The following CNTNAP4 variants were observed in gnomAD, a reference collection of about 807,000 sequenced individuals.
CNTNAP4 encodes the protein contactin associated protein family member 4, also known as contactin-associated protein-like 4.
A neutral mutation model predicts 148.4 loss-of-function variants in CNTNAP4; 98 were observed. The ratio of observed to expected loss-of-function variants is 0.66; its 90% confidence interval spans 0.56 to 0.78. The LOEUF (loss-of-function observed/expected upper bound fraction) is 0.78. Among genes scored for constraint, CNTNAP4 ranks in the 30% least tolerant of loss-of-function variants. The pLI, the probability that CNTNAP4 is intolerant of heterozygous loss-of-function variation, is 0.00. For missense variants in CNTNAP4, 1,935 were observed against 1,565.6 expected, an observed-to-expected ratio of 1.24 and a Z score of -3.98; for synonymous variants, 730 against 565.1, an observed-to-expected ratio of 1.29 and a Z score of -4.14.
chr16:76,453,853 T>A (rs2080616923), intron 8 of CNTNAP4, among the ~76,000 whole-genome samples: 1 of 152,178 alleles, frequency 6.6e-6, no homozygotes, highest in Admixed American at 6.5e-5. Context: ...ATGCTGTGAC[T>A]TTTTATTTAG....
chr16:76,469,040 C>A (rs1220594467), intron 10 of CNTNAP4, among the ~76,000 whole-genome samples: 1 of 152,118 alleles, frequency 6.6e-6, no homozygotes, highest in African/African-American at 2.4e-5. Context: ...AACAAAAAGA[C>A]TCTTCTATTT....
At position 76,277,715 on chromosome 16, in the gene CNTNAP4, A is replaced by G; in HGVS notation, c.53A>G (p.Gln18Arg). 1 of 1,605,124 alleles carries G rather than the reference A, an allele frequency of 6.2e-7. No homozygotes were observed. The highest frequency in any genetic ancestry group is 8.5e-7 in the Non-Finnish European group (1 of 1,175,206). Residue 18 changes from glutamine to arginine, a missense_variant, in exon 1 of 24, where the codon CAA becomes CGA. By Grantham distance (43) the Gln-to-Arg change is conservative. Coordinates refer to ENST00000611870, the MANE Select transcript of CNTNAP4 (RefSeq NM_033401.5). Reference protein sequence around the residue: ...VLKTLLLLSTQNWNRVEAGNS... With the variant: ...VLKTLLLLSTRNWNRVEAGNS... ...AAGACGCTACTTCTGTTATCTACTC[A>G]AAATTGGAACAGAGTCGAAGCTGGG...
At chr16:76,342,674 G>A (rs967494545) in intron 2 of CNTNAP4, among the ~76,000 whole-genome samples, 9 of 151,810 alleles carry the variant, frequency 5.9e-5, no homozygotes, top group Admixed American at 2.6e-4. Context: ...GGGTTTCACC[G>A]TATTAGCCAG....
intron 4 of CNTNAP4, among the ~76,000 whole-genome samples, chr16:76,437,342 G>T (rs1303823753): frequency 6.6e-6 from 1 of 151,990 alleles, no homozygotes; most frequent in Non-Finnish European, 1.5e-5. Flanking sequence ...GCATACTTCA[G>T]TCCAATCAAG....
intron 3 of CNTNAP4, among the ~76,000 whole-genome samples, chr16:76,398,076 C>T (rs942240203): frequency 4.2e-5 from 6 of 144,208 alleles, no homozygotes; most frequent in African/African-American, 1.3e-4. Context: ...GAAGCCAGCC[C>T]GAGTCCCAAA....
chr16:76,517,467 TTTATGA>T (rs1445015065), intron 15 of CNTNAP4, among the ~76,000 whole-genome samples: 2 of 152,236 alleles, frequency 1.3e-5, no homozygotes, highest in East Asian at 3.8e-4. Flanking sequence ...GGCTTATTTC[TTTATGA>T]TTATTAAGCA....
intron 4 of CNTNAP4, among the ~76,000 whole-genome samples, chr16:76,437,773 A>G (rs1488369517): frequency 1.3e-5 from 2 of 152,116 alleles, no homozygotes; most frequent in African/African-American, 4.8e-5. Context: ...TTTAGGTAAT[A>G]AATAAAAATG....
chr16:76,321,358 A>G (rs11864590), intron 2 of CNTNAP4, among the ~76,000 whole-genome samples: 5,672 of 152,298 alleles, frequency 0.037, 366 homozygotes, highest in African/African-American at 0.13. Flanking sequence ...GCAAACAACT[A>G]TTATGCTTCA....
chr16:76,479,665 A>G, intron 12 of CNTNAP4, 127 bp downstream of exon 12: 1 of 905,176 alleles, frequency 1.1e-6, no homozygotes. Flanking sequence ...TGTTCCTTAG[A>G]AAAACTGAAC....
chr16:76,466,661 A>G (rs2081186218), intron 9 of CNTNAP4, among the ~76,000 whole-genome samples: 1 of 152,026 alleles, frequency 6.6e-6, no homozygotes, highest in Admixed American at 6.6e-5. Flanking sequence ...TTAATATTAT[A>G]TTTATTATTT....
At chr16:76,480,662 T>C (rs1190679769) in intron 12 of CNTNAP4, among the ~76,000 whole-genome samples, 5 of 152,054 alleles carry the variant, frequency 3.3e-5, no homozygotes, top group South Asian at 2.1e-4. Context: ...TGCTTGAACC[T>C]GGGAGGTGGA....
intron 3 of CNTNAP4, among the ~76,000 whole-genome samples, chr16:76,366,484 A>G (rs2014149944): frequency 6.6e-6 from 1 of 152,318 alleles, no homozygotes; most frequent in East Asian, 1.9e-4. Flanking sequence ...TTACGGCTGC[A>G]TAGTATTACA....
chr16:76,524,896 C>G (rs938137825), intron 17 of CNTNAP4, among the ~76,000 whole-genome samples: 8 of 152,020 alleles, frequency 5.3e-5, no homozygotes, highest in Admixed American at 2.0e-4. Context: ...GCATTTTCCT[C>G]CTTCCTGCTC....
Position 76,448,175 on chromosome 16 carries a change from G to A in CNTNAP4, c.702G>A (p.Leu234=). The A allele has an allele frequency of 1.2e-6, 2 of 1,613,384 alleles. No individual in the cohort carries two copies. Among genetic ancestry groups the A allele is most frequent in the Non-Finnish European group, 1.7e-6 (2 of 1,179,460 alleles). ...GGCCAAATGGAGATCACATCACACT[G>A]CAATTAAGAAGAGCAAGACTCTTTT... is the stretch of plus-strand genomic sequence containing the variant. ...REGPNGDHIT[L]QLRRARLFLL... is the part of the protein sequence containing the mutation. Residue 234 remains leucine (L), a synonymous_variant, in exon 5 of 24, where the codon CTG becomes CTA. Transcript: ENST00000611870.
intron 1 of CNTNAP4, among the ~76,000 whole-genome samples, chr16:76,290,218 A>G (rs1338458913): frequency 6.6e-6 from 1 of 152,194 alleles, no homozygotes; most frequent in Non-Finnish European, 1.5e-5. Context: ...AGGAAGAACA[A>G]AAATGAGGCT....
intron 2 of CNTNAP4, among the ~76,000 whole-genome samples, chr16:76,322,594 G>A (rs1962539834): frequency 6.6e-6 from 1 of 152,138 alleles, no homozygotes; most frequent in South Asian, 2.1e-4. Context: ...GGAAGAGCAG[G>A]GATAACAGTG....
chr16:76,471,083 A>G (rs938625956), intron 10 of CNTNAP4, among the ~76,000 whole-genome samples: 2 of 151,834 alleles, frequency 1.3e-5, no homozygotes, highest in Non-Finnish European at 2.9e-5. Flanking sequence ...ACACAGAGTC[A>G]CTCCCTACGC....
chr16:76,325,976 T>C (rs1322225616), intron 2 of CNTNAP4, among the ~76,000 whole-genome samples: 1 of 152,150 alleles, frequency 6.6e-6, no homozygotes, highest in Non-Finnish European at 1.5e-5. Flanking sequence ...AAATTTATAA[T>C]TAAAAATGTT....
In CNTNAP4 at chr16:76,448,227, C is replaced by G. The variant is rs375446963; in HGVS notation, c.742+12C>G. ...ACTTATTAATTCAGGTAAAACTATT[C>G]GGTGAAGTGCTCAAAAATCTGATTA... On this transcript the variant is annotated intron_variant, in intron 5 of 23. Coordinates refer to ENST00000611870, the MANE Select transcript of CNTNAP4 (RefSeq NM_033401.5). 6.4e-7 allele frequency: 1 copy of G among 1,560,110 alleles called. No individual in the cohort carries two copies. The highest frequency in any genetic ancestry group is 8.8e-7 in the Non-Finnish European group (1 of 1,136,710).
Sources: allele counts gnomAD v4.1 joint callset (sites outside exome capture counted in the v4.1 genomes callset), GRCh38; gene constraint gnomAD v4.1.1; transcripts MANE v1.5; gene names NCBI Gene and HGNC (gene_info 2026-07-23, HGNC 2026-07-21).